VPS13A: variants seen among roughly 807,000 people sequenced by gnomAD.
VPS13A encodes vacuolar protein sorting 13 homolog A.
Under a neutral mutation model 390.9 loss-of-function variants are expected in VPS13A, and 264 were observed. The ratio of observed to expected loss-of-function variants is 0.68; its 90% confidence interval spans 0.61 to 0.75. The LOEUF (loss-of-function observed/expected upper bound fraction) is 0.75, where lower values mean the gene tolerates loss of function less well. VPS13A is among the 30% of genes least tolerant of loss of function. The pLI, the probability that VPS13A is intolerant of heterozygous loss-of-function variation, is 0.00. For missense variants in VPS13A, 3,409 were observed against 3,733.9 expected, an observed-to-expected ratio of 0.91 and a Z score of 2.27; for synonymous variants, 1,231 against 1,227.1, an observed-to-expected ratio of 1.00 and a Z score of -0.07.
chr9:77,382,046 C>G lies in VPS13A; in HGVS notation c.9148C>G (p.Pro3050Ala). 6.2e-7 allele frequency: 1 copy of G among 1,608,358 alleles called. No homozygotes were observed. Among genetic ancestry groups the G allele is most frequent in the Non-Finnish European group, 8.5e-7 (1 of 1,177,078 alleles). ...CTTCAATGAAGATGGAGTTATCAGA[C>G]CGTACAGGTTGAGGGATGGGACTGG... is the stretch of plus-strand genomic sequence containing the variant. Reference protein sequence around the residue: ...RFFNEDGVIRPYRLRDGTGNQ... With the variant: ...RFFNEDGVIRAYRLRDGTGNQ... Residue 3050 changes from proline (P) to alanine (A), a missense_variant, in exon 68 of 72, where the codon CCG becomes GCG. Pro to Ala is a conservative substitution (Grantham distance 27, BLOSUM62 -1). This residue lies in a region of VPS13A where 318 missense variants were observed against 333.7 expected (regional missense o/e 0.95). Transcript: ENST00000360280.
At chr9:77,359,008 C>T (rs936800167) in intron 57 of VPS13A, among the ~76,000 whole-genome samples, 2 of 152,070 alleles carry the variant, frequency 1.3e-5, no homozygotes, top group South Asian at 4.1e-4. Context: ...GCTTTTTGGC[C>T]AGTATAATGC....
chr9:77,383,047 G>A lies in VPS13A; in HGVS notation c.9189+960G>A, dbSNP rs142251770. The A allele has an allele frequency of 4.1e-6, 4 of 984,568 alleles. No homozygotes were observed. The African/African-American group carries it at 5.2e-5, about 13-fold the overall frequency. The allele number at this position is 984,568 out of a possible 1,614,324, so 61.0% of individuals were successfully genotyped here. A position where few individuals can be genotyped will look rare whatever the true frequency, so the allele number is the denominator to read the frequency against. ...TTATGTAGGCTTGCAGATACTCATG[G>A]TAGCAATAAACTGTTGGAATATGAA... On this transcript the variant is annotated intron_variant, in intron 68 of 71. Transcript: ENST00000360280.
chr9:77,217,928 C>T (rs1190713954), intron 10 of VPS13A, among the ~76,000 whole-genome samples: 1 of 151,894 alleles, frequency 6.6e-6, no homozygotes, highest in East Asian at 1.9e-4. Flanking sequence ...TTTACATTCC[C>T]ACCAACAGTA....
chr9:77,273,435 C>G (rs1826466758), intron 24 of VPS13A, 71 bp downstream of exon 24: 1 of 1,252,550 alleles, frequency 8.0e-7, no homozygotes, highest in African/African-American at 1.5e-5. Flanking sequence ...GCATATTTTT[C>G]TCAAAGGACC....
At chr9:77,205,648 G>C (rs1455509857) in intron 4 of VPS13A, among the ~76,000 whole-genome samples, 1 of 151,804 alleles carries the variant, frequency 6.6e-6, no homozygotes, top group Non-Finnish European at 1.5e-5. Flanking sequence ...CTGGAGTGCA[G>C]TGGCACCATC....
At chr9:77,323,317 A>C in intron 45 of VPS13A, 90 bp downstream of exon 45, 3 of 1,470,940 alleles carry the variant, frequency 2.0e-6, no homozygotes, top group Non-Finnish European at 2.8e-6. Flanking sequence ...TATTACTGAA[A>C]GAATATAAAC....
At chr9:77,188,771 C>G (rs1824496481) in intron 1 of VPS13A, among the ~76,000 whole-genome samples, 1 of 152,174 alleles carries the variant, frequency 6.6e-6, no homozygotes, top group Admixed American at 6.5e-5. Context: ...CTTTTCTCTG[C>G]AGCCTCACCA....
chr9:77,358,234 G>T, intron 56 of VPS13A, 123 bp from the exon 57 acceptor site: 1 of 838,024 alleles, frequency 1.2e-6, no homozygotes, highest in Non-Finnish European at 1.9e-6. Context: ...GGGATTACAG[G>T]CGTGAGCCAC....
intron 59 of VPS13A, among the ~76,000 whole-genome samples, chr9:77,363,290 T>C (rs911871781): frequency 2.0e-5 from 3 of 152,098 alleles, no homozygotes; most frequent in Non-Finnish European, 2.9e-5. Flanking sequence ...GGTTGAGTGT[T>C]TTTAATCATG....
intron 33 of VPS13A, among the ~76,000 whole-genome samples, chr9:77,301,230 G>A (rs772184705): frequency 6.6e-6 from 1 of 152,008 alleles, no homozygotes; most frequent in African/African-American, 2.4e-5. Context: ...TATTTATTAT[G>A]GTGAAGAATT....
intron 25 of VPS13A, 125 bp downstream of exon 25, chr9:77,275,777 T>TG (rs1826627946): frequency 8.5e-7 from 1 of 1,179,898 alleles, no homozygotes; most frequent in South Asian, 1.4e-5. Flanking sequence ...ATTCCAGACT[T>TG]GCTGTGTGAT....
At chr9:77,220,692 T>G (rs1429026157) in intron 12 of VPS13A, among the ~76,000 whole-genome samples, 2 of 152,044 alleles carry the variant, frequency 1.3e-5, no homozygotes, top group Non-Finnish European at 2.9e-5. Flanking sequence ...TTGCATTGTC[T>G]CTCCCCAACC....
intron 71 of VPS13A, among the ~76,000 whole-genome samples, chr9:77,409,505 T>A (rs1310713419): frequency 6.6e-6 from 1 of 151,804 alleles, no homozygotes; most frequent in Non-Finnish European, 1.5e-5. Context: ...TACACCAAGC[T>A]AAAGGAGGAA....
Position 77,353,484 on chromosome 9 carries a change from A to G in VPS13A, c.7495A>G (p.Ile2499Val), listed in dbSNP as rs751982239. The change falls in exon 54 of 72, where the codon ATT becomes GTT. Residue 2499 changes from isoleucine (I) to valine (V), a missense_variant. Ile to Val is a conservative substitution (Grantham distance 29, BLOSUM62 3). Around this residue, in one of 5 missense-constraint regions of VPS13A, gnomAD observed 221 missense variants for 300.7 expected, o/e 0.73. Transcript: ENST00000360280. ...ATTCTTTGAAGGTTTACAACGCATTATTTTATTCACTGAAGATCCAAGGGT... is the reference window on the plus strand; with the variant it reads ...ATTCTTTGAAGGTTTACAACGCATTGTTTTATTCACTGAAGATCCAAGGGT... The part of the protein sequence containing the change: ...VSFFEGLQRI[I>V]LFTEDPRVFK... The G allele has an allele frequency of 6.2e-7, 1 of 1,612,520 alleles. No individual in the cohort carries two copies. The highest frequency in any genetic ancestry group is 1.7e-5 in the Admixed American group (1 of 59,846).
chr9:77,215,044 G>A (rs1455006258), intron 10 of VPS13A, among the ~76,000 whole-genome samples: 1 of 152,174 alleles, frequency 6.6e-6, no homozygotes, highest in Non-Finnish European at 1.5e-5. Flanking sequence ...AGGATTACAG[G>A]CATGAGCCAC....
At chr9:77,407,131 TAC>T (rs772767070) in intron 70 of VPS13A, among the ~76,000 whole-genome samples, 3 of 152,186 alleles carry the variant, frequency 2.0e-5, no homozygotes, top group Non-Finnish European at 4.4e-5. Flanking sequence ...TACGTATGCA[TAC>T]ACACACATGT....
At chr9:77,360,762 A>G in intron 59 of VPS13A, 121 bp downstream of exon 59, 1 of 770,474 alleles carries the variant, frequency 1.3e-6, no homozygotes, top group East Asian at 2.8e-5. Context: ...AAATTTTATT[A>G]CTCTCTTGTG....
intron 17 of VPS13A, among the ~76,000 whole-genome samples, chr9:77,228,706 A>G (rs11145346): frequency 0.19 from 29,610 of 152,124 alleles, 3,725 homozygotes; most frequent in East Asian, 0.38. Flanking sequence ...GTATTAGTCC[A>G]TTTTCATGCT....
chr9:77,205,360 G>A lies in VPS13A; in HGVS notation c.235G>A (p.Val79Ile). 1 of 1,492,868 alleles carries A rather than the reference G, an allele frequency of 6.7e-7. No individual in the cohort carries two copies. The highest frequency in any genetic ancestry group is 1.5e-5 in the South Asian group (1 of 66,320). 92.5% of individuals were successfully genotyped at this position (1,492,868 alleles called of 1,614,324 possible). ...IPWKNLYTQP[V>I]EAVLEEIYLL... ...ATGGAAAAACCTTTATACTCAACCTGTTGAAGCCGTATTGGAAGAAATTTA... is the reference window on the plus strand; with the variant it reads ...ATGGAAAAACCTTTATACTCAACCTATTGAAGCCGTATTGGAAGAAATTTA... Residue 79 changes from valine to isoleucine, a missense_variant, in exon 4 of 72, where the codon GTT becomes ATT. Physicochemically the swap from Val to Ile is conservative, Grantham distance 29. Coordinates refer to ENST00000360280, the MANE Select transcript of VPS13A (RefSeq NM_033305.3).
Sources: gnomAD v4.1 joint callset for allele counts (sites outside exome capture counted in the v4.1 genomes callset) on GRCh38, gnomAD v4.1.1 for gene constraint, gnomAD v4.1.1 regional missense constraint, MANE v1.5 for transcripts, NCBI Gene and HGNC (gene_info 2026-07-23, HGNC 2026-07-21) for gene names.